CNTNAP4: variants seen among roughly 807,000 people sequenced by gnomAD.
CNTNAP4 encodes contactin-associated protein-like 4.
CNTNAP4 carries 98 observed loss-of-function variants against 148.4 expected under a neutral mutation model. That is an observed-to-expected ratio of 0.66 (90% CI 0.56 to 0.78). CNTNAP4 has a LOEUF of 0.78. CNTNAP4 is among the 30% of genes least tolerant of loss of function. The pLI is 0.00. For missense variants in CNTNAP4, 1,935 were observed against 1,565.6 expected, an observed-to-expected ratio of 1.24 and a Z score of -3.98; for synonymous variants, 730 against 565.1, an observed-to-expected ratio of 1.29 and a Z score of -4.14.
At chr16:76,342,312 T>C (rs1301266747) in intron 2 of CNTNAP4, among the ~76,000 whole-genome samples, 2 of 152,178 alleles carry the variant, frequency 1.3e-5, no homozygotes, top group Non-Finnish European at 2.9e-5. Flanking sequence ...AGGGCAATTA[T>C]ATAACACAAT....
At chr16:76,510,837 A>T (rs987757220) in intron 15 of CNTNAP4, among the ~76,000 whole-genome samples, 1 of 152,118 alleles carries the variant, frequency 6.6e-6, no homozygotes, top group Non-Finnish European at 1.5e-5. Flanking sequence ...TCTTTCTCTC[A>T]GGAATCTATG....
chr16:76,357,543 G>A (rs1339703849), intron 3 of CNTNAP4, among the ~76,000 whole-genome samples: 3 of 152,140 alleles, frequency 2.0e-5, no homozygotes, highest in Admixed American at 6.6e-5. Context: ...TCTAGACTCT[G>A]CTGTAATTTG....
chr16:76,503,528 A>G (rs1317122553), intron 15 of CNTNAP4, among the ~76,000 whole-genome samples: 1 of 152,166 alleles, frequency 6.6e-6, no homozygotes, highest in East Asian at 1.9e-4. Context: ...AAAGTGAATT[A>G]TATATTTTTT....
intron 16 of CNTNAP4, among the ~76,000 whole-genome samples, chr16:76,521,759 T>C (rs2083461718): frequency 6.6e-6 from 1 of 152,192 alleles, no homozygotes. Flanking sequence ...GATAAATAGC[T>C]TTACTTTTTA....
intron 15 of CNTNAP4, among the ~76,000 whole-genome samples, chr16:76,512,329 T>A (rs554694713): frequency 1.1e-4 from 17 of 152,170 alleles, no homozygotes; most frequent in African/African-American, 3.1e-4. Context: ...AAGGAAACCA[T>A]TTAGGGGACC....
Position 76,558,868 on chromosome 16 carries a change from TC to T in CNTNAP4, c.*186del. 1 of 471,146 alleles carries T rather than the reference TC, an allele frequency of 2.1e-6. No individual in the cohort carries two copies. The highest frequency in any genetic ancestry group is 3.7e-6 in the Non-Finnish European group (1 of 267,102). 29.2% of individuals were successfully genotyped at this position (471,146 alleles called of 1,614,324 possible). On this transcript the variant is annotated 3_prime_UTR_variant, in exon 24 of 24. Transcript: ENST00000611870. ...TCCAGTGATATATTTCTCATAGCAT[TC>T]ATTCTATGGAACAAGAAATTAGATA...
intron 3 of CNTNAP4, among the ~76,000 whole-genome samples, chr16:76,414,352 C>G (rs2144941113): frequency 6.6e-6 from 1 of 151,444 alleles, no homozygotes; most frequent in Non-Finnish European, 1.5e-5. Context: ...TTAAGCAATT[C>G]TTGCATTCCT....
At chr16:76,520,230 G>A (rs997489393) in intron 15 of CNTNAP4, among the ~76,000 whole-genome samples, 11 of 152,074 alleles carry the variant, frequency 7.2e-5, no homozygotes, top group African/African-American at 2.7e-4. Context: ...GTATCCAGTC[G>A]GATTTCACTC....
chr16:76,411,262 A>G (rs995126023), intron 3 of CNTNAP4, among the ~76,000 whole-genome samples: 3 of 151,484 alleles, frequency 2.0e-5, no homozygotes, highest in Non-Finnish European at 3.0e-5. Context: ...TCTAAAGCAC[A>G]TATTTAAGTT....
chr16:76,461,391 A>T (rs2080954364), intron 8 of CNTNAP4, among the ~76,000 whole-genome samples: 1 of 152,198 alleles, frequency 6.6e-6, no homozygotes, highest in Non-Finnish European at 1.5e-5. Flanking sequence ...GTAAGTTCTA[A>T]TAAGGAGGCA....
intron 3 of CNTNAP4, among the ~76,000 whole-genome samples, chr16:76,389,379 T>C (rs758251564): frequency 1.7e-4 from 26 of 152,212 alleles, no homozygotes; most frequent in Non-Finnish European, 3.1e-4. Flanking sequence ...ACAGCATTTC[T>C]GGCAACGTTG....
At chr16:76,554,400 C>T (rs1388089445) in intron 23 of CNTNAP4, among the ~76,000 whole-genome samples, 1 of 152,156 alleles carries the variant, frequency 6.6e-6, no homozygotes, top group Non-Finnish European at 1.5e-5. Context: ...AAAGATGCTT[C>T]TATCAACTAA....
At chr16:76,523,346 A>C (rs1310067970) in intron 17 of CNTNAP4, among the ~76,000 whole-genome samples, 4 of 151,488 alleles carry the variant, frequency 2.6e-5, no homozygotes, top group Non-Finnish European at 1.5e-5. Context: ...CAGTTTCACC[A>C]GTTCCTCTGC....
chr16:76,359,468 A>G (rs2013134926), intron 3 of CNTNAP4, among the ~76,000 whole-genome samples: 1 of 149,952 alleles, frequency 6.7e-6, no homozygotes, highest in Admixed American at 6.6e-5. Context: ...AATGCCAGGC[A>G]GTACAATGAC....
chr16:76,470,482 A>ATATATATATATATATATATAT lies in CNTNAP4; in HGVS notation c.1655+2959_1655+2960insTATATATATATATATATATAT, dbSNP rs146482811. On this transcript the variant is annotated intron_variant, in intron 10 of 23. Transcript: ENST00000611870. Reference sequence around the variant, plus strand: ...ATAGCAAAACCACGTCTCTACTAATAATATATATATATATAAAATTAGTCG... The same window carrying ATATATATATATATATATATAT: ...ATAGCAAAACCACGTCTCTACTAATATATATATATATATATATATATATATATATATATATAAAATTAGTCG... Among the ~76,000 whole-genome samples, 59 of 96,988 alleles carry ATATATATATATATATATATAT rather than the reference A, an allele frequency of 6.1e-4. 2 individuals carry two copies. The highest frequency in any genetic ancestry group is 5.5e-3 in the South Asian group (13 of 2,352). 63.6% of individuals were successfully genotyped at this position (96,988 alleles called of 152,430 possible).
chr16:76,286,693 A>G (rs1265111898), intron 1 of CNTNAP4, among the ~76,000 whole-genome samples: 1 of 152,216 alleles, frequency 6.6e-6, no homozygotes, highest in Non-Finnish European at 1.5e-5. Context: ...AGAGAAGGGC[A>G]TGATAAACAA....
At chr16:76,399,643 C>G (rs1411165166) in intron 3 of CNTNAP4, among the ~76,000 whole-genome samples, 1 of 152,112 alleles carries the variant, frequency 6.6e-6, no homozygotes, top group Non-Finnish European at 1.5e-5. Context: ...GTATCTTTTG[C>G]ATTTCCTTTT....
chr16:76,324,235 G>T (rs908687924), intron 2 of CNTNAP4, among the ~76,000 whole-genome samples: 1 of 152,118 alleles, frequency 6.6e-6, no homozygotes, highest in Non-Finnish European at 1.5e-5. Context: ...AACTGAAATC[G>T]ATACAGTGGC....
intron 1 of CNTNAP4, among the ~76,000 whole-genome samples, chr16:76,299,334 G>A (rs953003599): frequency 6.6e-6 from 1 of 152,194 alleles, no homozygotes. Flanking sequence ...AATGGGCGAA[G>A]GATATGAATA....
Sources: gnomAD v4.1 joint callset for allele counts (sites outside exome capture counted in the v4.1 genomes callset) on GRCh38, gnomAD v4.1.1 for gene constraint, MANE v1.5 for transcripts, NCBI Gene and HGNC (gene_info 2026-07-23, HGNC 2026-07-21) for gene names.